The following CCDC178 variants were observed in gnomAD, a reference collection of about 807,000 sequenced individuals.
CCDC178 encodes the protein coiled-coil domain containing 178.
In CCDC178, 126 loss-of-function variants were observed where a neutral mutation model predicts 117.4. The observed-to-expected ratio is 1.07, with a 90% CI of 0.93 to 1.24. The LOEUF is 1.24. Ranked by LOEUF, CCDC178 falls within the 50% of genes most tolerant of loss-of-function variation. The probability of loss-of-function intolerance (pLI) is 0.00; values close to 1 mark genes in which losing one functional copy is unlikely to be tolerated. For missense variants in CCDC178, 1,030 were observed against 986.9 expected (o/e 1.04, Z -0.59); for synonymous variants, 283 against 313.4 (o/e 0.90, Z 1.02).
At chr18:33,262,095 T>C (rs2059757669) in intron 14 of CCDC178, among the ~76,000 whole-genome samples, 1 of 152,198 alleles carries the variant, frequency 6.6e-6, no homozygotes, top group African/African-American at 2.4e-5. Flanking sequence ...CTATCAGATA[T>C]TGGGGAAATT....
chr18:33,097,716 C>A (rs1174315749), intron 20 of CCDC178, among the ~76,000 whole-genome samples: 2 of 152,032 alleles, frequency 1.3e-5, no homozygotes, highest in African/African-American at 4.8e-5. Flanking sequence ...ATAATTAAAT[C>A]AAATAACTGA....
At chr18:33,168,754 G>T (rs1460997459) in intron 20 of CCDC178, among the ~76,000 whole-genome samples, 1 of 152,116 alleles carries the variant, frequency 6.6e-6, no homozygotes, top group Admixed American at 6.6e-5. Context: ...AGAATGCAGA[G>T]CTCTATTATT....
At chr18:33,082,637 A>C (rs1230068379) in intron 21 of CCDC178, among the ~76,000 whole-genome samples, 1 of 152,176 alleles carries the variant, frequency 6.6e-6, no homozygotes, top group East Asian at 1.9e-4. Flanking sequence ...TGATGAGTTA[A>C]TGGGTGCAGC....
chr18:33,341,769 G>A (rs1034444429), intron 9 of CCDC178, among the ~76,000 whole-genome samples: 5 of 152,144 alleles, frequency 3.3e-5, no homozygotes, highest in African/African-American at 1.2e-4. Flanking sequence ...ATGTAGAACT[G>A]TGAAGCCCAA....
At chr18:33,272,181 A>G (rs1467037017) in intron 12 of CCDC178, among the ~76,000 whole-genome samples, 1 of 151,492 alleles carries the variant, frequency 6.6e-6, no homozygotes, top group African/African-American at 2.4e-5. Context: ...CTAACCAAGA[A>G]AAAAGAAGAT....
At chr18:33,234,989 G>A (rs2059410794) in intron 15 of CCDC178, among the ~76,000 whole-genome samples, 1 of 152,118 alleles carries the variant, frequency 6.6e-6, no homozygotes, top group African/African-American at 2.4e-5. Flanking sequence ...GTTTTGTTCT[G>A]TTGATTGAAC....
chr18:33,046,151 G>A (rs998421960), intron 21 of CCDC178, among the ~76,000 whole-genome samples: 4 of 152,170 alleles, frequency 2.6e-5, no homozygotes, highest in Admixed American at 1.3e-4. Context: ...ATACATTTAA[G>A]AGAAACTGAA....
intron 21 of CCDC178, among the ~76,000 whole-genome samples, chr18:33,060,679 A>G (rs1356765164): frequency 3.3e-5 from 5 of 152,114 alleles, no homozygotes; most frequent in Non-Finnish European, 7.4e-5. Flanking sequence ...GTTACGCTGA[A>G]GTCAACTTCA....
intron 20 of CCDC178, among the ~76,000 whole-genome samples, chr18:33,136,344 A>G (rs1486002027): frequency 6.6e-6 from 1 of 152,154 alleles, no homozygotes; most frequent in Non-Finnish European, 1.5e-5. Flanking sequence ...ATGGAGTTAG[A>G]AGATGTCTAC....
intron 21 of CCDC178, among the ~76,000 whole-genome samples, chr18:33,011,799 A>G (rs2055875729): frequency 6.8e-6 from 1 of 146,500 alleles, no homozygotes; most frequent in Non-Finnish European, 1.5e-5. Flanking sequence ...AAAAAAAAAA[A>G]AAAAAAAAAG....
chr18:33,024,350 T>C (rs762939299), intron 21 of CCDC178, among the ~76,000 whole-genome samples: 7 of 152,160 alleles, frequency 4.6e-5, no homozygotes, highest in African/African-American at 9.7e-5. Context: ...CTCTCTAGCA[T>C]TGGCTTTCAG....
chr18:33,191,319 A>G (rs2058855655), intron 20 of CCDC178, among the ~76,000 whole-genome samples: 1 of 152,132 alleles, frequency 6.6e-6, no homozygotes, highest in South Asian at 2.1e-4. Context: ...ATAATGCTTA[A>G]TTCATGGTAA....
rs144361104 is a variant in CCDC178 at position 32,944,854 on chromosome 18, G to A, written c.2524-6763C>T. 4.9e-3 allele frequency among the ~76,000 whole-genome samples: 747 copies of A among 152,182 alleles called. 6 individuals are homozygous for A. The highest frequency in any genetic ancestry group is 0.017 in the African/African-American group (706 of 41,526). ...TCTGATGGTTTTATAAGCAGTTTCCGCTTTGGCTTGGCCCTCATTCTCTCT... is the reference window on the plus strand; with the variant it reads ...TCTGATGGTTTTATAAGCAGTTTCCACTTTGGCTTGGCCCTCATTCTCTCT... On this transcript the variant is annotated intron_variant, in intron 22 of 22. Coordinates refer to ENST00000383096, the MANE Select transcript of CCDC178 (RefSeq NM_001105528.4).
chr18:33,051,366 ACT>A (rs2056744769), intron 21 of CCDC178, among the ~76,000 whole-genome samples: 1 of 152,122 alleles, frequency 6.6e-6, no homozygotes, highest in African/African-American at 2.4e-5. Context: ...AAGGCGAGAA[ACT>A]CTTCTGATTT....
intron 20 of CCDC178, among the ~76,000 whole-genome samples, chr18:33,134,934 C>T (rs1002341913): frequency 2.0e-5 from 3 of 151,472 alleles, no homozygotes; most frequent in Admixed American, 6.6e-5. Context: ...TTCCTCAGTT[C>T]GTAATTTGTA....
intron 20 of CCDC178, among the ~76,000 whole-genome samples, chr18:33,140,088 G>C (rs1372764510): frequency 6.6e-6 from 1 of 152,178 alleles, no homozygotes; most frequent in Non-Finnish European, 1.5e-5. Context: ...TTGACCCTTT[G>C]GGTGCACAGA....
intron 21 of CCDC178, among the ~76,000 whole-genome samples, chr18:32,991,669 T>C (rs980234605): frequency 6.6e-6 from 1 of 152,338 alleles, no homozygotes; most frequent in East Asian, 1.9e-4. Context: ...CATGTCTCCA[T>C]GCTGTCTCGG....
intron 6 of CCDC178, among the ~76,000 whole-genome samples, chr18:33,358,077 G>A (rs1050520900): frequency 6.6e-6 from 1 of 151,914 alleles, no homozygotes; most frequent in African/African-American, 2.4e-5. Context: ...CATACTGAAT[G>A]CTGTAGGCAA....
intron 20 of CCDC178, among the ~76,000 whole-genome samples, chr18:33,162,093 A>C (rs1324767170): frequency 6.6e-6 from 1 of 152,158 alleles, no homozygotes; most frequent in East Asian, 1.9e-4. Flanking sequence ...CAGAAAACCA[A>C]ACACCGCATG....
Sources: gnomAD v4.1 joint callset for allele counts (sites outside exome capture counted in the v4.1 genomes callset) on GRCh38, gnomAD v4.1.1 for gene constraint, MANE v1.5 for transcripts, NCBI Gene and HGNC (gene_info 2026-07-23, HGNC 2026-07-21) for gene names.